Variants in VRK3 observed in about 807,000 individuals in gnomAD.
VRK3 encodes the protein serine/threonine-protein kinase VRK3.
Under a neutral mutation model 60.4 loss-of-function variants are expected in VRK3, and 50 were observed. The observed-to-expected ratio is 0.83, with a 90% CI of 0.66 to 1.05. The LOEUF (loss-of-function observed/expected upper bound fraction) is 1.05, where lower values mean the gene tolerates loss of function less well. VRK3 is among the 50% of genes least tolerant of loss of function. The pLI is 0.00. For synonymous variants in VRK3, 246 were observed against 227.8 expected (o/e 1.08, Z -0.72); for missense variants, 549 against 585.3 (o/e 0.94, Z 0.64).
chr19:49,993,906 C>A (rs1473705348), intron 9 of VRK3, among the ~76,000 whole-genome samples: 1 of 152,086 alleles, frequency 6.6e-6, no homozygotes, highest in African/African-American at 2.4e-5. Context: ...CCAGTCCCTC[C>A]CCATATGGCC....
chr19:49,976,858 A>G (rs910078126), intron 14 of VRK3, 74 bp from the exon 15 acceptor site: 6 of 152,178 alleles, frequency 3.9e-5, no homozygotes, highest in Non-Finnish European at 8.8e-5. Flanking sequence ...CTTCATGCCA[A>G]GCACCTTCTA....
chr19:49,994,333 C>A (rs2076663866), intron 9 of VRK3, among the ~76,000 whole-genome samples: 1 of 152,208 alleles, frequency 6.6e-6, no homozygotes, highest in African/African-American at 2.4e-5. Flanking sequence ...CTGCACCCAG[C>A]CCCGGGGACA....
chr19:50,018,187 T>C (rs2077107894), intron 2 of VRK3, among the ~76,000 whole-genome samples: 1 of 152,232 alleles, frequency 6.6e-6, no homozygotes, highest in Non-Finnish European at 1.5e-5. Context: ...GAATGGTCGA[T>C]GAGGTCTAAA....
chr19:49,977,464 T>C (rs2076349934), intron 14 of VRK3, among the ~76,000 whole-genome samples: 1 of 152,072 alleles, frequency 6.6e-6, no homozygotes, highest in Admixed American at 6.6e-5. Flanking sequence ...CCCTTTGCCC[T>C]GGGTGAGGAA....
At chr19:50,003,799 T>C (rs1351706008) in intron 5 of VRK3, among the ~76,000 whole-genome samples, 1 of 152,234 alleles carries the variant, frequency 6.6e-6, no homozygotes, top group Non-Finnish European at 1.5e-5. Context: ...TGGTGGTGTG[T>C]CCCCAAATGC....
intron 3 of VRK3, among the ~76,000 whole-genome samples, chr19:50,012,160 A>AT (rs1555851967): frequency 1.3e-5 from 2 of 151,980 alleles, no homozygotes; most frequent in Non-Finnish European, 2.9e-5. Context: ...TAGCAGAGAC[A>AT]GGGTTTCTCC....
intron 12 of VRK3, among the ~76,000 whole-genome samples, chr19:49,987,213 G>A (rs575766843): frequency 1.3e-5 from 2 of 152,246 alleles, no homozygotes; most frequent in Admixed American, 1.3e-4. Context: ...TGCCTAGCAC[G>A]CCCGCTAGGA....
At chr19:50,014,059 G>C (rs1005885851) in intron 3 of VRK3, among the ~76,000 whole-genome samples, 1 of 152,156 alleles carries the variant, frequency 6.6e-6, no homozygotes. Flanking sequence ...TTGAGGCCAG[G>C]AGTTCAAGAC....
Position 49,988,366 on chromosome 19 carries a change from A to T in VRK3, c.1217+6T>A. Reference sequence around the variant, plus strand: ...CTGCAGGGGTTCTGCTGACCCCTAGACTCACTTCTGTTTTTGCTTCATGAT... The same window carrying T: ...CTGCAGGGGTTCTGCTGACCCCTAGTCTCACTTCTGTTTTTGCTTCATGAT... On this transcript the variant is annotated splice_donor_region_variant and intron_variant, in intron 12 of 14. Transcript: ENST00000316763. 6.2e-7 allele frequency: 1 copy of T among 1,610,396 alleles called. No homozygotes were observed. Among genetic ancestry groups the T allele is most frequent in the Non-Finnish European group, 8.5e-7 (1 of 1,178,116 alleles).
rs2076918223 is a variant in VRK3 at position 50,007,588 on chromosome 19, G to A, written c.528C>T (p.Asn176=). The A allele has an allele frequency of 1.7e-5, 28 of 1,614,194 alleles. No homozygotes were observed. Among genetic ancestry groups the A allele is most frequent in the Non-Finnish European group, 2.3e-5 (27 of 1,180,044 alleles). The change falls in exon 5 of 15, where the codon AAC becomes AAT. Residue 176 remains asparagine, a synonymous_variant. Coordinates refer to ENST00000316763, the MANE Select transcript of VRK3 (RefSeq NM_016440.4). Reference sequence around the variant, plus strand: ...GTGTACCTTCATAGAGAATGCCCTGGTTGTCCCTGGTCTGGAAGGACTTCA... The same window carrying A: ...GTGTACCTTCATAGAGAATGCCCTGATTGTCCCTGGTCTGGAAGGACTTCA... ...WKLKSFQTRD[N]QGILYEAAPT... is the part of the protein sequence containing the mutation.
chr19:49,985,169 C>T (rs942723154), intron 12 of VRK3, among the ~76,000 whole-genome samples: 3 of 152,174 alleles, frequency 2.0e-5, no homozygotes, highest in Non-Finnish European at 4.4e-5. Context: ...ACTACCTTCA[C>T]TTACACAGGG....
chr19:50,001,017 G>C, intron 5 of VRK3, 163 bp from the exon 6 acceptor site: 2 of 623,236 alleles, frequency 3.2e-6, no homozygotes, highest in Non-Finnish European at 5.6e-6. Flanking sequence ...TTTTAAATAA[G>C]CTTCTTCTTC....
chr19:49,999,856 G>A (rs543883161), intron 6 of VRK3: 1 of 152,282 alleles, frequency 6.6e-6, no homozygotes, highest in Admixed American at 6.5e-5. Flanking sequence ...CAGGTTGATG[G>A]GGTGCCTACT....
chr19:49,992,405 A>G (rs2076627094), intron 10 of VRK3, among the ~76,000 whole-genome samples: 1 of 152,268 alleles, frequency 6.6e-6, no homozygotes, highest in Non-Finnish European at 1.5e-5. Context: ...ACTCCATCTC[A>G]AAACAAAATC....
rs79583231 is a variant in VRK3, at chr19:50,007,107, G to A, written c.547+462C>T. Reference sequence around the variant, plus strand: ...GGGAGGCCTGCCTGCTCTCCACAGAGACCCCTATTATGTAAGCAATAAACC... The same window carrying A: ...GGGAGGCCTGCCTGCTCTCCACAGAAACCCCTATTATGTAAGCAATAAACC... On this transcript the variant is annotated intron_variant, in intron 5 of 14. Coordinates refer to ENST00000316763, the MANE Select transcript of VRK3 (RefSeq NM_016440.4). Among the ~76,000 whole-genome samples the A allele has an allele frequency of 3.5e-3, 539 of 152,308 alleles. 10 individuals are homozygous for A. The East Asian group carries it at 0.055, about 15-fold the overall frequency.
Position 49,989,710 on chromosome 19 carries a change from T to C in VRK3, c.1025A>G (p.Tyr342Cys), listed in dbSNP as rs143300105. 5 of 1,613,976 alleles carry C rather than the reference T, an allele frequency of 3.1e-6. No individual in the cohort carries two copies. In the East Asian group the frequency reaches 6.7e-5, roughly 22 times the overall value. ...RYCPSGKHVA[Y>C]VEGSRSPHEG... ...GTGAGGGCTCCTGCTGCCTTCCACG[T>C]AGGCCACGTGTTTGCCACTTGGGCA... is the stretch of plus-strand genomic sequence containing the variant. Residue 342 changes from tyrosine to cysteine, a missense_variant, in exon 11 of 15, where the codon TAC becomes TGC. Tyr to Cys is a radical substitution (Grantham distance 194, BLOSUM62 -2). Transcript: ENST00000316763.
intron 1 of VRK3, among the ~76,000 whole-genome samples, chr19:50,022,855 C>T (rs1473831909): frequency 1.3e-5 from 2 of 152,132 alleles, no homozygotes; most frequent in Non-Finnish European, 2.9e-5. Context: ...TACTCAAAAC[C>T]GTATGGTGGA....
At chr19:50,004,369 C>G (rs954966574) in intron 5 of VRK3, among the ~76,000 whole-genome samples, 4 of 152,084 alleles carry the variant, frequency 2.6e-5, no homozygotes, top group South Asian at 2.1e-4. Context: ...TCCCTCTGTG[C>G]TCCTCGGCCC....
intron 12 of VRK3, chr19:49,988,131 C>T (rs566660625): frequency 1.0e-4 from 40 of 396,232 alleles, no homozygotes; most frequent in South Asian, 1.0e-3. Context: ...CACTGAGGCT[C>T]GCAGACGTTA....
Sources: allele counts gnomAD v4.1 joint callset (sites outside exome capture counted in the v4.1 genomes callset), GRCh38; gene constraint gnomAD v4.1.1; transcripts MANE v1.5; gene names NCBI Gene and HGNC (gene_info 2026-07-23, HGNC 2026-07-21).